The following UBR7 variants were observed in gnomAD, a reference collection of about 807,000 sequenced individuals.
UBR7 encodes the protein ubiquitin protein ligase E3 component n-recognin 7.
In UBR7, 22 loss-of-function variants were observed where a neutral mutation model predicts 57.0. The observed-to-expected ratio is 0.39, with a 90% confidence interval of 0.28 to 0.55. The LOEUF (loss-of-function observed/expected upper bound fraction) is 0.55, where lower values mean the gene tolerates loss of function less well. UBR7 is among the 20% of genes least tolerant of loss of function. The probability of loss-of-function intolerance (pLI) is 0.69; values close to 1 mark genes in which losing one functional copy is unlikely to be tolerated. For synonymous variants in UBR7, 167 were observed against 179.8 expected (o/e 0.93, Z 0.57); for missense variants, 395 against 513.2 (o/e 0.77, Z 2.23).
At chr14:93,213,316 T>G (rs780030825) in intron 4 of UBR7, among the ~76,000 whole-genome samples, 5 of 149,624 alleles carry the variant, frequency 3.3e-5, no homozygotes, top group East Asian at 2.0e-4. Context: ...TTTTTTTTCA[T>G]TTTTTTTTTC....
chr14:93,207,302 CCG>C lies in UBR7; in HGVS notation c.12_13del (p.Glu5GlyfsTer20). ...GGCTGACAGTTGAGGATGGCCGGAGCCGAGGGCGCCGCTGGGCGGCAGTCGGA... is the reference window on the plus strand; with the variant it reads ...GGCTGACAGTTGAGGATGGCCGGAGCAGGGCGCCGCTGGGCGGCAGTCGGA... On this transcript the variant is annotated frameshift_variant, in exon 1 of 11. Transcript: ENST00000013070. LOFTEE classifies it high-confidence loss of function. 3 of 1,555,510 alleles carry C rather than the reference CCG, an allele frequency of 1.9e-6. No individual in the cohort carries two copies. The highest frequency in any genetic ancestry group is 2.6e-6 in the Non-Finnish European group (3 of 1,149,314).
chr14:93,220,633 C>T (rs1327098084), intron 9 of UBR7, among the ~76,000 whole-genome samples: 1 of 152,106 alleles, frequency 6.6e-6, no homozygotes, highest in Non-Finnish European at 1.5e-5. Context: ...ACAACATATG[C>T]TATTCTGATT....
chr14:93,224,858 A>G (rs1453437296), intron 10 of UBR7, among the ~76,000 whole-genome samples: 1 of 152,230 alleles, frequency 6.6e-6, no homozygotes, highest in Non-Finnish European at 1.5e-5. Flanking sequence ...GGTGTTTCAA[A>G]TAGTGTGCAG....
chr14:93,209,022 A>T (rs1300883641), intron 1 of UBR7, among the ~76,000 whole-genome samples: 1 of 152,176 alleles, frequency 6.6e-6, no homozygotes, highest in Non-Finnish European at 1.5e-5. Context: ...CACGTTGACC[A>T]GGTTGGTCTT....
chr14:93,225,320 CA>C (rs1315350461), intron 10 of UBR7, among the ~76,000 whole-genome samples: 1 of 149,590 alleles, frequency 6.7e-6, no homozygotes, highest in Non-Finnish European at 1.5e-5. Context: ...AAAACAAAAA[CA>C]AAAACCAAAA....
In UBR7 at chr14:93,228,013, C is replaced by T. The variant is rs1188090442; in HGVS notation, c.*978C>T. ...AAATTATTATTTTTCCCCCTTGAAT[C>T]TGCTAAAGAAAACAGATCCTGACTT... is the stretch of plus-strand genomic sequence containing the variant. On this transcript the variant is annotated 3_prime_UTR_variant, in exon 11 of 11. Coordinates refer to ENST00000013070, the MANE Select transcript of UBR7 (RefSeq NM_175748.4). 1.4e-6 allele frequency: 1 copy of T among 698,464 alleles called. No individual in the cohort carries two copies. The highest frequency in any genetic ancestry group is 1.5e-5 in the South Asian group (1 of 66,606). The allele number at this position is 698,464 out of a possible 1,614,324, so 43.3% of individuals were successfully genotyped here. A position where few individuals can be genotyped will look rare whatever the true frequency, so the allele number is the denominator to read the frequency against.
rs184548153 is a variant in UBR7 at position 93,228,630 on chromosome 14, G to T, written c.*1595G>T. 10 of 454,112 alleles carry T rather than the reference G, an allele frequency of 2.2e-5. No homozygotes were observed. In the East Asian group the frequency reaches 7.0e-4, roughly 32 times the overall value. The allele number at this position is 454,112 out of a possible 1,614,324, so 28.1% of individuals were successfully genotyped here. A position where few individuals can be genotyped will look rare whatever the true frequency, so the allele number is the denominator to read the frequency against. Reference sequence around the variant, plus strand: ...TTGTGGCCACAGGACATGCTGGTGAGCCCTGAGCTGGCCTTGTGCAGAGGG... The same window carrying T: ...TTGTGGCCACAGGACATGCTGGTGATCCCTGAGCTGGCCTTGTGCAGAGGG... On this transcript the variant is annotated 3_prime_UTR_variant, in exon 11 of 11. Coordinates refer to ENST00000013070, the MANE Select transcript of UBR7 (RefSeq NM_175748.4).
At chr14:93,218,355 G>A (rs537455433) in intron 6 of UBR7, among the ~76,000 whole-genome samples, 172 bp from the exon 7 acceptor site, 1 of 152,098 alleles carries the variant, frequency 6.6e-6, no homozygotes, top group African/African-American at 2.4e-5. Flanking sequence ...AGGTTGCAGT[G>A]AGTCAAGACC....
At chr14:93,223,866 G>A in intron 10 of UBR7, 6 of 744,764 alleles carry the variant, frequency 8.1e-6, no homozygotes, top group Non-Finnish European at 1.5e-5. Flanking sequence ...TACATGTTGG[G>A]GGCGCCGCTC....
intron 6 of UBR7, 21 bp from the exon 7 acceptor site, chr14:93,218,506 T>A: frequency 6.2e-7 from 1 of 1,610,836 alleles, no homozygotes; most frequent in Non-Finnish European, 8.5e-7. Flanking sequence ...TATGTGTTTT[T>A]CTTTTTCTTT....
chr14:93,209,724 C>T, intron 1 of UBR7, 100 bp from the exon 2 acceptor site: 1 of 1,432,688 alleles, frequency 7.0e-7, no homozygotes, highest in African/African-American at 1.4e-5. Flanking sequence ...AGATCTTGAC[C>T]ACAGATAATC....
intron 10 of UBR7, among the ~76,000 whole-genome samples, chr14:93,225,645 AT>A (rs1404265183): frequency 6.6e-6 from 1 of 152,150 alleles, no homozygotes; most frequent in Non-Finnish European, 1.5e-5. Context: ...AAAAGCAATA[AT>A]AATTAATAAA....
intron 4 of UBR7, among the ~76,000 whole-genome samples, chr14:93,213,710 T>C (rs1894537092): frequency 6.6e-6 from 1 of 152,236 alleles, no homozygotes; most frequent in South Asian, 2.1e-4. Context: ...CTCTCTGAAT[T>C]GTCCTTTCAT....
chr14:93,208,689 T>TA (rs1249824289), intron 1 of UBR7, among the ~76,000 whole-genome samples: 3 of 148,638 alleles, frequency 2.0e-5, no homozygotes, highest in Non-Finnish European at 4.5e-5. Context: ...AATAGAACTT[T>TA]AAAAAAAAAA....
At chr14:93,215,321 C>T (rs995828860) in intron 6 of UBR7, 40 bp downstream of exon 6, 1 of 1,502,166 alleles carries the variant, frequency 6.7e-7, no homozygotes. Flanking sequence ...CAAACTTGTG[C>T]TTGTGAAATT....
In UBR7 at chr14:93,209,867, C is replaced by A. The variant is rs1171762293; in HGVS notation, c.194C>A (p.Thr65Asn). 1.2e-6 allele frequency: 2 copies of A among 1,613,938 alleles called. No individual in the cohort carries two copies. Among genetic ancestry groups the A allele is most frequent in the Non-Finnish European group, 8.5e-7 (1 of 1,179,944 alleles). ...GCACTATATGCCTGTAGTACCTGCA[C>A]CCCAGAGGGAGAAGAACCAGCAGGA... is the stretch of plus-strand genomic sequence containing the variant. ...RQALYACSTCTPEGEEPAGIC... is the reference protein window; with the variant it reads ...RQALYACSTCNPEGEEPAGIC... Residue 65 changes from threonine (T) to asparagine (N), a missense_variant, in exon 2 of 11, where the codon ACC becomes AAC. Transcript: ENST00000013070.
At chr14:93,210,547 C>T in intron 2 of UBR7, 101 bp from the exon 3 acceptor site, 4 of 964,484 alleles carry the variant, frequency 4.1e-6, no homozygotes, top group Non-Finnish European at 6.4e-6. Context: ...ATATTAATTT[C>T]CCGAATTGTG....
In UBR7 at chr14:93,227,225, G is replaced by A; in HGVS notation, c.*190G>A. The A allele has an allele frequency of 1.6e-6, 1 of 636,138 alleles. No homozygotes were observed. Among genetic ancestry groups the A allele is most frequent in the Non-Finnish European group, 2.9e-6 (1 of 344,790 alleles). The allele number at this position is 636,138 out of a possible 1,614,324, so 39.4% of individuals were successfully genotyped here. On this transcript the variant is annotated 3_prime_UTR_variant, in exon 11 of 11. Coordinates refer to ENST00000013070, the MANE Select transcript of UBR7 (RefSeq NM_175748.4). ...TGACTTCACAGCCAGCGTCCTCTGT[G>A]ACTCAGCTGATGCAGCTCATTCCAC... is the stretch of plus-strand genomic sequence containing the variant.
intron 6 of UBR7, among the ~76,000 whole-genome samples, chr14:93,216,034 C>T (rs755781542): frequency 1.2e-4 from 18 of 152,074 alleles, no homozygotes; most frequent in Non-Finnish European, 2.4e-4. Flanking sequence ...TTCAGGTGCC[C>T]GCAGAGTCAG....
Sources: gnomAD v4.1 joint callset for allele counts (sites outside exome capture counted in the v4.1 genomes callset) on GRCh38, gnomAD v4.1.1 for gene constraint, MANE v1.5 for transcripts, NCBI Gene and HGNC (gene_info 2026-07-23, HGNC 2026-07-21) for gene names.